OSBPL3: variants seen among roughly 807,000 people sequenced by gnomAD.
OSBPL3 encodes the protein oxysterol-binding protein-related protein 3.
A neutral mutation model predicts 120.1 loss-of-function variants in OSBPL3; 65 were observed. The observed-to-expected ratio is 0.54, with a 90% confidence interval of 0.44 to 0.67. The LOEUF is 0.67. Ranked by LOEUF, OSBPL3 falls within the 30% of genes least tolerant of loss-of-function variation. OSBPL3 has a pLI of 0.00. For synonymous variants in OSBPL3, 416 were observed against 402.6 expected (o/e 1.03, Z -0.40); for missense variants, 1,004 against 1,082.1 (o/e 0.93, Z 1.01).
rs1393818387 is a variant in OSBPL3, at chr7:24,867,181, T to C, written c.382-944A>G. Among the ~76,000 whole-genome samples the C allele has an allele frequency of 6.6e-6, 1 of 152,252 alleles. No individual in the cohort carries two copies. Among genetic ancestry groups the C allele is most frequent in the Non-Finnish European group, 1.5e-5 (1 of 68,040 alleles). ...ACTGAAATTTACATTTATCTGTCTC[T>C]TAAAGCATTTCCAAGTTCTCTAATT... On this transcript the variant is annotated intron_variant, in intron 5 of 22. Coordinates refer to ENST00000313367, the MANE Select transcript of OSBPL3 (RefSeq NM_015550.4). The surrounding 1 kb of genome is among the most constrained non-coding windows in gnomAD (Gnocchi z 4.5).
chr7:24,901,100 C>T lies in OSBPL3; in HGVS notation c.-149-8479G>A, dbSNP rs12112976. Reference sequence around the variant, plus strand: ...ATCCCAGCGCTTTGGGAGGCTGAGGCGGGCGGATCACGAGGTCAAGAGTTC... The same window carrying T: ...ATCCCAGCGCTTTGGGAGGCTGAGGTGGGCGGATCACGAGGTCAAGAGTTC... On this transcript the variant is annotated intron_variant, in intron 1 of 22. Transcript: ENST00000313367. Among the ~76,000 whole-genome samples, 287 of 151,348 alleles carry T rather than the reference C, an allele frequency of 1.9e-3. 1 individual carries two copies. Among genetic ancestry groups the T allele is most frequent in the African/African-American group, 6.6e-3 (272 of 41,248 alleles).
chr7:24,901,732 A>G (rs879303814), intron 1 of OSBPL3, among the ~76,000 whole-genome samples: 1 of 152,210 alleles, frequency 6.6e-6, no homozygotes, highest in Non-Finnish European at 1.5e-5. Flanking sequence ...GTGTAGGACC[A>G]GGGTTGACAA....
intron 1 of OSBPL3, among the ~76,000 whole-genome samples, chr7:24,956,987 T>C (rs1303089835): frequency 6.6e-6 from 1 of 152,226 alleles, no homozygotes; most frequent in East Asian, 1.9e-4. Flanking sequence ...GCATGAGTTC[T>C]GTCTGCTCAT....
chr7:24,800,588 C>T (rs986223903), intron 22 of OSBPL3, among the ~76,000 whole-genome samples: 5 of 151,342 alleles, frequency 3.3e-5, no homozygotes, highest in African/African-American at 1.2e-4. Context: ...TCCCGAGTAG[C>T]TGGGACTACA....
At chr7:24,893,985 T>C (rs1201969122) in intron 1 of OSBPL3, among the ~76,000 whole-genome samples, 1 of 152,010 alleles carries the variant, frequency 6.6e-6, no homozygotes, top group Non-Finnish European at 1.5e-5. Context: ...AAAATATACA[T>C]ACATATATAT....
intron 1 of OSBPL3, among the ~76,000 whole-genome samples, chr7:24,909,722 G>C (rs1320676574): frequency 6.6e-6 from 1 of 150,474 alleles, no homozygotes; most frequent in African/African-American, 2.5e-5. Context: ...GGAACCTATG[G>C]CAGTAAGAAT....
rs1562790039 is a variant in OSBPL3, at chr7:24,830,983, A to T, written c.1747-78T>A. ...TGTTCACAAAGAACTAAACAAAATA[A>T]AACCTCTATGATTTTCTTTCAGAAA... On this transcript the variant is annotated intron_variant, in intron 15 of 22. Transcript: ENST00000313367. This position sits in a 1 kb window ranked among gnomAD's most constrained non-coding sequence, Gnocchi z 4.4. The T allele has an allele frequency of 7.3e-7, 1 of 1,366,412 alleles. No homozygotes were observed. The highest frequency in any genetic ancestry group is 2.5e-5 in the East Asian group (1 of 39,494). The allele number at this position is 1,366,412 out of a possible 1,614,324, so 84.6% of individuals were successfully genotyped here.
At position 24,805,272 on chromosome 7, in the gene OSBPL3, T is replaced by C. The variant is rs1323942749; in HGVS notation, c.2445-835A>G. ...AACTTCTGAATTTTTGCCAATCTGA[T>C]AGGTTAAAAATTGGGATGTCGACAT... On this transcript the variant is annotated intron_variant, in intron 21 of 22. Transcript: ENST00000313367. The surrounding 1 kb of genome is among the most constrained non-coding windows in gnomAD (Gnocchi z 4.0). Among the ~76,000 whole-genome samples the C allele has an allele frequency of 2.0e-5, 3 of 152,210 alleles. No homozygotes were observed. The highest frequency in any genetic ancestry group is 7.2e-5 in the African/African-American group (3 of 41,454).
In OSBPL3 at chr7:24,937,576, TAACA is replaced by T. The variant is rs993981684; in HGVS notation, c.-150+42306_-150+42309del. 6.6e-6 allele frequency among the ~76,000 whole-genome samples: 1 copy of T among 152,220 alleles called. No individual in the cohort carries two copies. Among genetic ancestry groups the T allele is most frequent in the African/African-American group, 2.4e-5 (1 of 41,456 alleles). On this transcript the variant is annotated intron_variant, in intron 1 of 22. Transcript: ENST00000313367. The surrounding 1 kb of genome is among the most constrained non-coding windows in gnomAD (Gnocchi z 4.0). ...TTAGGTTGCTTCCAATGTTTTTCTC[TAACA>T]AACAATACAGCAGTGAACAGAGCAT...
At chr7:24,921,752 C>A (rs190139571) in intron 1 of OSBPL3, among the ~76,000 whole-genome samples, 3 of 152,142 alleles carry the variant, frequency 2.0e-5, no homozygotes, top group Non-Finnish European at 4.4e-5. Flanking sequence ...AAGGACCTGG[C>A]TTCCTAGTAC....
intron 1 of OSBPL3, among the ~76,000 whole-genome samples, chr7:24,929,897 T>C (rs146161953): frequency 7.9e-5 from 12 of 152,230 alleles, no homozygotes; most frequent in Non-Finnish European, 1.5e-4. Context: ...ATATCTGCTG[T>C]ATGCTTATAC....
Position 24,820,061 on chromosome 7 carries a change from C to A in OSBPL3, c.1948+114G>T. 1.4e-6 allele frequency: 1 copy of A among 726,012 alleles called. No individual in the cohort carries two copies. Among genetic ancestry groups the A allele is most frequent in the South Asian group, 1.8e-5 (1 of 54,864 alleles). The allele number at this position is 726,012 out of a possible 1,614,324, so 45.0% of individuals were successfully genotyped here. ...GGTGGCGCAGATCCTTCCAACCAGGCCCAAATCCAAGGACCACTTTTGATC... is the reference window on the plus strand; with the variant it reads ...GGTGGCGCAGATCCTTCCAACCAGGACCAAATCCAAGGACCACTTTTGATC... On this transcript the variant is annotated intron_variant, in intron 17 of 22. Coordinates refer to ENST00000313367, the MANE Select transcript of OSBPL3 (RefSeq NM_015550.4). The surrounding 1 kb of genome is among the most constrained non-coding windows in gnomAD (Gnocchi z 4.6).
rs564617370 is a variant in OSBPL3, at chr7:24,841,914, G to A, written c.1401+365C>T. Among the ~76,000 whole-genome samples, 7 of 151,742 alleles carry A rather than the reference G, an allele frequency of 4.6e-5. No individual in the cohort carries two copies. The East Asian group carries it at 1.2e-3, about 25-fold the overall frequency. Reference sequence around the variant, plus strand: ...TGTAGTCCCAGCTACCTGGTAGGCTGAGGCTGGAGAATCACTTGAACCTGG... The same window carrying A: ...TGTAGTCCCAGCTACCTGGTAGGCTAAGGCTGGAGAATCACTTGAACCTGG... On this transcript the variant is annotated intron_variant, in intron 13 of 22. Transcript: ENST00000313367.
rs146720389 is a variant in OSBPL3, at chr7:24,877,203, T to C, written c.97-5134A>G. On this transcript the variant is annotated intron_variant, in intron 2 of 22. Transcript: ENST00000313367. The surrounding 1 kb of genome is among the most constrained non-coding windows in gnomAD (Gnocchi z 4.8). ...GATGAAGAAAAAGGAGTAAATCCCATTGGGTAGAGGAATAGTGGTGGGCCA... is the reference window on the plus strand; with the variant it reads ...GATGAAGAAAAAGGAGTAAATCCCACTGGGTAGAGGAATAGTGGTGGGCCA... Among the ~76,000 whole-genome samples, 14 of 152,246 alleles carry C rather than the reference T, an allele frequency of 9.2e-5. No individual in the cohort carries two copies. In the East Asian group the frequency reaches 1.7e-3, roughly 19 times the overall value.
At chr7:24,814,081 A>C (rs1165495007) in intron 19 of OSBPL3, among the ~76,000 whole-genome samples, 1 of 152,142 alleles carries the variant, frequency 6.6e-6, no homozygotes, top group Non-Finnish European at 1.5e-5. Flanking sequence ...GAGCAGGCTG[A>C]CTTCAGACGG....
rs1171716949 is a variant in OSBPL3, at chr7:24,802,333, T to A, written c.2567+1982A>T. Among the ~76,000 whole-genome samples, 1 of 152,164 alleles carries A rather than the reference T, an allele frequency of 6.6e-6. No homozygotes were observed. The highest frequency in any genetic ancestry group is 1.5e-5 in the Non-Finnish European group (1 of 68,024). On this transcript the variant is annotated intron_variant, in intron 22 of 22. Transcript: ENST00000313367. This position sits in a 1 kb window ranked among gnomAD's most constrained non-coding sequence, Gnocchi z 4.1. ...TCCTCTCCAAAATCTCTTTGCCAGG[T>A]TTCTAATTTGAACAGTCCCAAGGAG... is the stretch of plus-strand genomic sequence containing the variant.
rs1028332172 is a variant in OSBPL3, at chr7:24,797,727, A to G, written c.*2456T>C. The G allele has an allele frequency of 6.6e-6, 1 of 152,070 alleles. No individual in the cohort carries two copies. Among genetic ancestry groups the G allele is most frequent in the Non-Finnish European group, 1.5e-5 (1 of 68,022 alleles). The allele number at this position is 152,070 out of a possible 1,614,324, so 9.4% of individuals were successfully genotyped here. On this transcript the variant is annotated 3_prime_UTR_variant, in exon 23 of 23. Coordinates refer to ENST00000313367, the MANE Select transcript of OSBPL3 (RefSeq NM_015550.4). The surrounding 1 kb of genome is among the most constrained non-coding windows in gnomAD (Gnocchi z 4.8). ...GTAATTCACCAGAAATTTTGGATGG[A>G]ATAATTAGAAAAAAAAAAGAGGTTA...
At chr7:24,954,385 T>C (rs1398676861) in intron 1 of OSBPL3, among the ~76,000 whole-genome samples, 3 of 152,200 alleles carry the variant, frequency 2.0e-5, no homozygotes, top group Admixed American at 6.5e-5. Flanking sequence ...AAGTTCTATA[T>C]AATTAAGAAT....
intron 2 of OSBPL3, among the ~76,000 whole-genome samples, chr7:24,886,125 C>T (rs1016521795): frequency 4.6e-5 from 7 of 152,216 alleles, no homozygotes; most frequent in Admixed American, 3.3e-4. Context: ...TTAATCTACA[C>T]TTACTGAATG....
Sources: gnomAD v4.1 joint callset for allele counts (sites outside exome capture counted in the v4.1 genomes callset) on GRCh38, gnomAD v4.1.1 for gene constraint, Gnocchi (gnomAD v3.1) non-coding constraint, MANE v1.5 for transcripts, NCBI Gene and HGNC (gene_info 2026-07-23, HGNC 2026-07-21) for gene names.